The following CNMD variants were observed in gnomAD, a reference collection of about 807,000 sequenced individuals.
CNMD encodes chondromodulin, also known as leukocyte cell-derived chemotaxin 1.
A neutral mutation model predicts 37.5 loss-of-function variants in CNMD; 30 were observed. The ratio of observed to expected loss-of-function variants is 0.80; its 90% CI spans 0.60 to 1.09. The LOEUF (loss-of-function observed/expected upper bound fraction) is 1.09. Ranked by LOEUF, CNMD falls within the 50% of genes least tolerant of loss-of-function variation. The probability of loss-of-function intolerance (pLI) is 0.00; values close to 1 mark genes in which losing one functional copy is unlikely to be tolerated. For synonymous variants in CNMD, 167 were observed against 148.2 expected (o/e 1.13, Z -0.92); for missense variants, 398 against 423.9 (o/e 0.94, Z 0.54).
intron 3 of CNMD, among the ~76,000 whole-genome samples, chr13:52,726,366 G>C (rs1390346064): frequency 6.6e-6 from 1 of 152,192 alleles, no homozygotes; most frequent in Non-Finnish European, 1.5e-5. Flanking sequence ...TTGGACCCAA[G>C]TTTCTTTTTA....
chr13:52,730,016 C>T (rs2138267614), intron 3 of CNMD, among the ~76,000 whole-genome samples: 1 of 148,296 alleles, frequency 6.7e-6, no homozygotes, highest in South Asian at 2.2e-4. Flanking sequence ...CGTTCCCCTT[C>T]CTGTATCCAT....
intron 3 of CNMD, among the ~76,000 whole-genome samples, chr13:52,728,840 T>C (rs1362568667): frequency 6.6e-6 from 1 of 152,102 alleles, no homozygotes; most frequent in Admixed American, 6.5e-5. Context: ...GAAACCCCCA[T>C]GGGGTAGGAA....
intron 6 of CNMD, among the ~76,000 whole-genome samples, chr13:52,705,302 T>A (rs1361708917): frequency 6.6e-6 from 1 of 152,192 alleles, no homozygotes; most frequent in Non-Finnish European, 1.5e-5. Context: ...ATAAATACAT[T>A]AGAATGTGCC....
At chr13:52,725,960 C>T (rs1469341216) in intron 3 of CNMD, among the ~76,000 whole-genome samples, 1 of 152,214 alleles carries the variant, frequency 6.6e-6, no homozygotes, top group African/African-American at 2.4e-5. Flanking sequence ...GAAGAAAAGG[C>T]TCATTCTTCC....
chr13:52,739,743 C>T lies in CNMD; in HGVS notation c.-42G>A, dbSNP rs751789200. On this transcript the variant is annotated 5_prime_UTR_variant, in exon 1 of 7. Coordinates refer to ENST00000377962, the MANE Select transcript of CNMD (RefSeq NM_007015.3). The surrounding 1 kb of genome is among the most constrained non-coding windows in gnomAD (Gnocchi z 5.4). ...GTGAGGCACTTGGAGACTCCCTGGG[C>T]ACCCTGGGATCTGTCCCGCTGCCCC... 2 of 1,532,522 alleles carry T rather than the reference C, an allele frequency of 1.3e-6. No homozygotes were observed. The highest frequency in any genetic ancestry group is 1.8e-6 in the Non-Finnish European group (2 of 1,106,344). 94.9% of individuals were successfully genotyped at this position (1,532,522 alleles called of 1,614,324 possible). A position where few individuals can be genotyped will look rare whatever the true frequency, so the allele number is the denominator to read the frequency against.
At chr13:52,731,958 G>A (rs1466549618) in intron 3 of CNMD, among the ~76,000 whole-genome samples, 1 of 152,246 alleles carries the variant, frequency 6.6e-6, no homozygotes, top group Non-Finnish European at 1.5e-5. Context: ...TAAACAAAGT[G>A]CGTCTGGGCA....
At chr13:52,722,440 A>T (rs981997732) in intron 4 of CNMD, among the ~76,000 whole-genome samples, 1 of 152,188 alleles carries the variant, frequency 6.6e-6, no homozygotes, top group Admixed American at 6.5e-5. Context: ...AGGATCAAAG[A>T]TGATCATAAT....
chr13:52,723,372 C>A (rs1964514495), intron 4 of CNMD, among the ~76,000 whole-genome samples: 1 of 152,174 alleles, frequency 6.6e-6, no homozygotes, highest in Non-Finnish European at 1.5e-5. Context: ...GGATTACCAG[C>A]ATGAGCCACC....
chr13:52,739,008 C>G lies in CNMD; in HGVS notation c.213+23G>C. Reference sequence around the variant, plus strand: ...GCACCATGGGCGACACGGGGGTCCCCGCGCGCCGCCCTCTGGACTTACGTG... The same window carrying G: ...GCACCATGGGCGACACGGGGGTCCCGGCGCGCCGCCCTCTGGACTTACGTG... On this transcript the variant is annotated intron_variant, in intron 2 of 6. Coordinates refer to ENST00000377962, the MANE Select transcript of CNMD (RefSeq NM_007015.3). This position sits in a 1 kb window ranked among gnomAD's most constrained non-coding sequence, Gnocchi z 5.4. The G allele has an allele frequency of 6.5e-7, 1 of 1,546,794 alleles. No individual in the cohort carries two copies. The highest frequency in any genetic ancestry group is 8.7e-7 in the Non-Finnish European group (1 of 1,153,178).
At chr13:52,705,629 A>G (rs537470846) in intron 6 of CNMD, among the ~76,000 whole-genome samples, 80 of 152,322 alleles carry the variant, frequency 5.3e-4, no homozygotes, top group African/African-American at 1.9e-3. Context: ...GGTTGGGAGG[A>G]AATCTCATGT....
rs781473942 is a variant in CNMD, at chr13:52,708,537, T to G, written c.788A>C (p.His263Pro). The change falls in exon 6 of 7, where the codon CAT becomes CCT. Residue 263 changes from histidine to proline, a missense_variant and splice_region_variant. Coordinates refer to ENST00000377962, the MANE Select transcript of CNMD (RefSeq NM_007015.3). ...SQAFNPDNPY[H>P]QQEGESMTFD... ...ATGTCAAAAAGCACCGGAACGCACA[T>G]GATAAGGATTATCAGGATTGAAGGC... 6.2e-7 allele frequency: 1 copy of G among 1,607,232 alleles called. No homozygotes were observed. The highest frequency in any genetic ancestry group is 1.7e-5 in the Admixed American group (1 of 58,078).
chr13:52,716,532 TAAGGA>T (rs1964385061), intron 4 of CNMD, among the ~76,000 whole-genome samples: 1 of 152,214 alleles, frequency 6.6e-6, no homozygotes, highest in East Asian at 1.9e-4. Context: ...GTATAAGGTG[TAAGGA>T]AGGGGTCCGG....
chr13:52,704,920 G>A (rs185586257), intron 6 of CNMD, among the ~76,000 whole-genome samples: 5 of 113,072 alleles, frequency 4.4e-5, no homozygotes, highest in African/African-American at 1.3e-4. Context: ...TTAGCCAGGC[G>A]TGGTGGTGGA....
intron 2 of CNMD, among the ~76,000 whole-genome samples, chr13:52,737,494 CTG>C (rs1375989023): frequency 1.3e-5 from 2 of 152,154 alleles, no homozygotes; most frequent in Non-Finnish European, 2.9e-5. Context: ...AAAAAGGGAG[CTG>C]TGCTTATTCA....
intron 3 of CNMD, among the ~76,000 whole-genome samples, chr13:52,732,749 C>T (rs993226052): frequency 5.3e-5 from 8 of 152,266 alleles, no homozygotes; most frequent in African/African-American, 1.9e-4. Context: ...CATCACGTTA[C>T]AGAAATCCGC....
intron 6 of CNMD, among the ~76,000 whole-genome samples, chr13:52,704,839 A>C (rs541514788): frequency 6.6e-6 from 1 of 152,276 alleles, no homozygotes; most frequent in East Asian, 1.9e-4. Context: ...AGGTGGGTGG[A>C]TCACCTGAGG....
At chr13:52,726,510 TAAA>T (rs79307237) in intron 3 of CNMD, among the ~76,000 whole-genome samples, 1 of 136,042 alleles carries the variant, frequency 7.4e-6, no homozygotes. Context: ...TGTTTACAGC[TAAA>T]AAAAAAAAAA....
chr13:52,706,094 A>G (rs1001520000), intron 6 of CNMD, among the ~76,000 whole-genome samples: 2 of 152,256 alleles, frequency 1.3e-5, no homozygotes, highest in Admixed American at 6.5e-5. Flanking sequence ...AATAGGCTAC[A>G]TAGAAAAACG....
chr13:52,735,487 G>A (rs1017907949), intron 2 of CNMD, among the ~76,000 whole-genome samples: 1 of 152,060 alleles, frequency 6.6e-6, no homozygotes, highest in African/African-American at 2.4e-5. Flanking sequence ...CACACTAGAA[G>A]AGTGGCCTGT....
Sources: allele counts gnomAD v4.1 joint callset (sites outside exome capture counted in the v4.1 genomes callset), GRCh38; gene constraint gnomAD v4.1.1; non-coding constraint Gnocchi (gnomAD v3.1); transcripts MANE v1.5; gene names NCBI Gene and HGNC (gene_info 2026-07-23, HGNC 2026-07-21).